ZDHHC11B: variants seen among roughly 807,000 people sequenced by gnomAD.
The protein encoded by ZDHHC11B is probable palmitoyltransferase ZDHHC11B.
ZDHHC11B carries 17 observed loss-of-function variants against 42.3 expected under a neutral mutation model. The observed-to-expected ratio is 0.40, with a 90% confidence interval of 0.27 to 0.60. ZDHHC11B has a LOEUF of 0.60. ZDHHC11B is among the 20% of genes least tolerant of loss of function. The pLI, the probability that ZDHHC11B is intolerant of heterozygous loss-of-function variation, is 0.41. For missense variants in ZDHHC11B, 262 were observed against 463.2 expected, an observed-to-expected ratio of 0.57 and a Z score of 3.99; for synonymous variants, 123 against 193.5, an observed-to-expected ratio of 0.64 and a Z score of 3.02.
At chr5:754,609 C>A (rs1221839225) in intron 6 of ZDHHC11B, among the ~76,000 whole-genome samples, 1 of 126,116 alleles carries the variant, frequency 7.9e-6, no homozygotes, top group Non-Finnish European at 1.7e-5. Context: ...AGGGGAAACA[C>A]CTCTCGTCCA....
rs1363697746 is a variant in ZDHHC11B at position 733,850 on chromosome 5, A to G, written c.936-11T>C. The G allele has an allele frequency of 1.2e-6, 2 of 1,601,504 alleles. No homozygotes were observed. The highest frequency in any genetic ancestry group is 8.5e-7 in the Non-Finnish European group (1 of 1,174,496). On this transcript the variant is annotated splice_polypyrimidine_tract_variant and intron_variant, in intron 10 of 13. Transcript: ENST00000508859. ...CTCTTGGCCTTGACTCTGGTGGGAC[A>G]GGAAGGAGGAGAGAAACTCATCTCA...
At chr5:751,410 G>GCGTGGGGTGTGCAGGGGCA (rs1554036609) in intron 6 of ZDHHC11B, among the ~76,000 whole-genome samples, 153 bp from the exon 7 acceptor site, 9 of 51,450 alleles carry the variant, frequency 1.7e-4, no homozygotes, top group South Asian at 1.4e-3. Flanking sequence ...GCAAGGGCAG[G>GCGTGGGGTGTGCAGGGGCA]TGTGGGACAG....
chr5:761,590 G>A (rs545292287), intron 4 of ZDHHC11B, among the ~76,000 whole-genome samples: 16 of 151,868 alleles, frequency 1.1e-4, no homozygotes, highest in Non-Finnish European at 1.8e-4. Flanking sequence ...GTGGAGGGGC[G>A]CAAGGCTGGC....
rs769689736 is a variant in ZDHHC11B at position 754,614 on chromosome 5, C to T, written c.503+384G>A. ...CACCATGCTCAGGGGAAACACCTCT[C>T]GTCCATCTGCGCTGGGTGCCCACTG... On this transcript the variant is annotated intron_variant, in intron 6 of 13. Transcript: ENST00000508859. 1.1e-3 allele frequency among the ~76,000 whole-genome samples: 131 copies of T among 124,266 alleles called. 3 individuals are homozygous for T. Among genetic ancestry groups the T allele is most frequent in the Non-Finnish European group, 9.7e-4 (55 of 56,786 alleles). 81.5% of individuals were successfully genotyped at this position (124,266 alleles called of 152,430 possible).
chr5:730,021 A>G (rs1313185485), intron 12 of ZDHHC11B, among the ~76,000 whole-genome samples: 1 of 151,228 alleles, frequency 6.6e-6, no homozygotes, highest in Non-Finnish European at 1.5e-5. Context: ...AGGGTGAAAA[A>G]GTGGTGTGCA....
At chr5:718,915 C>A (rs1425357053) in intron 12 of ZDHHC11B, among the ~76,000 whole-genome samples, 1 of 151,614 alleles carries the variant, frequency 6.6e-6, no homozygotes, top group Non-Finnish European at 1.5e-5. Flanking sequence ...TCTGGTGGTG[C>A]CCTGAGGGAT....
intron 4 of ZDHHC11B, among the ~76,000 whole-genome samples, chr5:759,570 G>C (rs1376485167): frequency 6.6e-6 from 1 of 151,984 alleles, no homozygotes; most frequent in African/African-American, 2.4e-5. Flanking sequence ...CACACAACAG[G>C]CCCTACAGAC....
chr5:711,580 TCCC>T lies in ZDHHC11B; in HGVS notation c.*707_*709del, dbSNP rs1741376966. On this transcript the variant is annotated 3_prime_UTR_variant, in exon 14 of 14. Transcript: ENST00000508859. ...CATTTCCTAGCACTGTGCTCCCATT[TCCC>T]AGTACTGTGCTCCCATTTCCCAGTG... is the stretch of plus-strand genomic sequence containing the variant. 1 of 153,790 alleles carries T rather than the reference TCCC, an allele frequency of 6.5e-6. No individual in the cohort carries two copies. The highest frequency in any genetic ancestry group is 6.7e-5 in the Admixed American group (1 of 15,002). The allele number at this position is 153,790 out of a possible 1,614,324, so 9.5% of individuals were successfully genotyped here.
In ZDHHC11B at chr5:777,904, C is replaced by G. The variant is rs1482901665; in HGVS notation, c.-230+6764G>C. ...CGGGAGGCCCCAGCACCGAGGGAGC[C>G]CGGGGCGGGGGAGGGGGGGCGTGGC... On this transcript the variant is annotated intron_variant, in intron 1 of 13. Transcript: ENST00000508859. Among the ~76,000 whole-genome samples the G allele has an allele frequency of 7.9e-5, 12 of 151,342 alleles. 1 individual carries two copies. The highest frequency in any genetic ancestry group is 2.7e-4 in the African/African-American group (11 of 41,422).
At chr5:776,238 G>A (rs1460115153) in intron 1 of ZDHHC11B, among the ~76,000 whole-genome samples, 1 of 151,826 alleles carries the variant, frequency 6.6e-6, no homozygotes, top group Non-Finnish European at 1.5e-5. Flanking sequence ...CGTGCCTGCA[G>A]GTGGCAAAGC....
intron 8 of ZDHHC11B, among the ~76,000 whole-genome samples, chr5:746,634 A>G (rs451392): frequency 0.72 from 104,492 of 146,122 alleles, 34,984 homozygotes; most frequent in Middle Eastern, 0.79. Flanking sequence ...CTGCTCTGCC[A>G]CCTGAGGCAA....
At chr5:713,738 C>A (rs1278248961) in intron 13 of ZDHHC11B, among the ~76,000 whole-genome samples, 2 of 152,042 alleles carry the variant, frequency 1.3e-5, no homozygotes, top group African/African-American at 4.8e-5. Context: ...TTCTCTTTTT[C>A]TTTCAGCTCT....
chr5:774,342 G>A (rs1224263335), intron 1 of ZDHHC11B, among the ~76,000 whole-genome samples: 4 of 152,160 alleles, frequency 2.6e-5, no homozygotes, highest in Admixed American at 1.3e-4. Context: ...CTGGAAACCC[G>A]GGTGTCCATG....
chr5:724,371 ATTTT>A (rs386402805), intron 12 of ZDHHC11B, among the ~76,000 whole-genome samples: 2 of 81,414 alleles, frequency 2.5e-5, no homozygotes, highest in African/African-American at 4.6e-5. Context: ...AACCCAGCTA[ATTTT>A]TTTTTTTTTT....
At chr5:752,152 C>T (rs1579355343) in intron 6 of ZDHHC11B, among the ~76,000 whole-genome samples, 1 of 115,948 alleles carries the variant, frequency 8.6e-6, no homozygotes, top group East Asian at 3.7e-4. Context: ...GGCACTGAAG[C>T]CAGGGAAGGG....
intron 6 of ZDHHC11B, among the ~76,000 whole-genome samples, chr5:754,156 GCCTCCACCA>G (rs1746189268): frequency 9.4e-6 from 1 of 105,944 alleles, no homozygotes; most frequent in Non-Finnish European, 1.9e-5. Context: ...TCATCTATGA[GCCTCCACCA>G]TGCTCAGGGG....
chr5:762,073 G>A (rs1416026700), intron 4 of ZDHHC11B, among the ~76,000 whole-genome samples: 1 of 147,402 alleles, frequency 6.8e-6, no homozygotes, highest in Non-Finnish European at 1.5e-5. Context: ...AGCCCAGACA[G>A]CCACTCACAG....
Position 769,540 on chromosome 5 carries a change from G to A in ZDHHC11B, c.-229-610C>T, listed in dbSNP as rs1327151358. 1.9e-4 allele frequency among the ~76,000 whole-genome samples: 29 copies of A among 152,030 alleles called. No homozygotes were observed. In the South Asian group the frequency reaches 5.4e-3, roughly 28 times the overall value. ...TGGGTGAAAGACCACCAGCAGGCAT[G>A]CGGGTGAGAGCGAGGGAAGCAGGAA... On this transcript the variant is annotated intron_variant, in intron 1 of 13. Coordinates refer to ENST00000508859, the MANE Select transcript of ZDHHC11B (RefSeq NM_001351303.2).
At chr5:714,834 C>T (rs1741627957) in intron 13 of ZDHHC11B, among the ~76,000 whole-genome samples, 1 of 150,678 alleles carries the variant, frequency 6.6e-6, no homozygotes, top group Non-Finnish European at 1.5e-5. Flanking sequence ...GTGTTTGTGT[C>T]ATGGGGCTGG....
Sources: allele counts gnomAD v4.1 joint callset (sites outside exome capture counted in the v4.1 genomes callset), GRCh38; gene constraint gnomAD v4.1.1; transcripts MANE v1.5; gene names NCBI Gene and HGNC (gene_info 2026-07-23, HGNC 2026-07-21).